ARK2C: variants seen among roughly 807,000 people sequenced by gnomAD.
ARK2C encodes the protein arkadia (RNF111) C-terminal like ring finger ubiquitin ligase 2C.
the ARK2C span, chr18:46,456,790 G>A: frequency 9.4e-6 from 6 of 640,214 alleles, no homozygotes; most frequent in East Asian, 5.5e-5. Context: ...TATCGGTGTC[G>A]AGGGAGAGGA....
At chr18:46,359,255 G>A in the ARK2C span, among the ~76,000 whole-genome samples, 3 of 152,190 alleles carry the variant, frequency 2.0e-5, no homozygotes, top group Non-Finnish European at 2.9e-5. Context: ...CTGCCTGTGG[G>A]GTTATGGTCT....
At chr18:46,334,350 T>C in the ARK2C span, 1 of 1,581,196 alleles carries the variant, frequency 6.3e-7, no homozygotes. This position sits in a 1 kb window ranked among gnomAD's most constrained non-coding sequence, Gnocchi z 4.4. Context: ...CGCTTTTTCC[T>C]TTCGGGGTCT....
chr18:46,454,288 A>G, the ARK2C span, among the ~76,000 whole-genome samples: 1 of 151,804 alleles, frequency 6.6e-6, no homozygotes, highest in South Asian at 2.1e-4. Context: ...CAAATTGGTG[A>G]CTCTTACCAA....
At chr18:46,360,324 C>A in the ARK2C span, among the ~76,000 whole-genome samples, 5 of 152,288 alleles carry the variant, frequency 3.3e-5, no homozygotes, top group East Asian at 9.7e-4. Context: ...CATGGAGGAA[C>A]ACAGAGGGTG....
At chr18:46,435,421 A>T in the ARK2C span, 1 of 1,495,514 alleles carries the variant, frequency 6.7e-7, no homozygotes, top group Non-Finnish European at 9.3e-7. Flanking sequence ...CCCCTGGGGG[A>T]GGAAGGGAGG....
the ARK2C span, among the ~76,000 whole-genome samples, chr18:46,428,907 C>A: frequency 2.0e-5 from 3 of 152,114 alleles, no homozygotes; most frequent in Non-Finnish European, 4.4e-5. Context: ...CTTGACAATA[C>A]CCGTTTTCAC....
chr18:46,383,617 C>T, the ARK2C span, among the ~76,000 whole-genome samples: 5 of 136,704 alleles, frequency 3.7e-5, no homozygotes, highest in East Asian at 4.2e-4. Flanking sequence ...TACAGTGGTG[C>T]GATCTCAGCT....
the ARK2C span, among the ~76,000 whole-genome samples, chr18:46,419,458 G>A: frequency 6.6e-6 from 1 of 152,190 alleles, no homozygotes; most frequent in African/African-American, 2.4e-5. Flanking sequence ...GAAAGCTGAA[G>A]TCCAGAGACA....
At chr18:46,457,036 C>T in the ARK2C span, 1 of 167,366 alleles carries the variant, frequency 6.0e-6, no homozygotes, top group Admixed American at 6.1e-5. Context: ...GGGTCTCTAG[C>T]TATTTCTGTG....
At chr18:46,430,593 T>G in the ARK2C span, among the ~76,000 whole-genome samples, 1 of 152,222 alleles carries the variant, frequency 6.6e-6, no homozygotes, top group Non-Finnish European at 1.5e-5. Context: ...CAGTGAAATG[T>G]GCAATTTCTG....
At chr18:46,433,582 CAGGACG>C in the ARK2C span, 1 of 1,298,428 alleles carries the variant, frequency 7.7e-7, no homozygotes, top group Non-Finnish European at 1.0e-6. Context: ...TGGGCAGGGC[CAGGACG>C]AGGGCGTGGC....
At chr18:46,400,750 G>T in the ARK2C span, among the ~76,000 whole-genome samples, 2 of 152,286 alleles carry the variant, frequency 1.3e-5, no homozygotes, top group Admixed American at 6.5e-5. Flanking sequence ...AGCCTAAATT[G>T]TGTCGGCTTT....
chr18:46,411,531 T>C, the ARK2C span, among the ~76,000 whole-genome samples: 44 of 152,320 alleles, frequency 2.9e-4, no homozygotes, highest in African/African-American at 9.9e-4. Context: ...TTTGGTAAGT[T>C]CCTACTATGT....
At chr18:46,460,162 A>G in the ARK2C span, 8 of 152,694 alleles carry the variant, frequency 5.2e-5, no homozygotes, top group Non-Finnish European at 7.3e-5. Flanking sequence ...TTTACGCCTA[A>G]TGAACAAGCA....
At chr18:46,384,026 C>G in the ARK2C span, among the ~76,000 whole-genome samples, 1 of 152,202 alleles carries the variant, frequency 6.6e-6, no homozygotes, top group Non-Finnish European at 1.5e-5. Flanking sequence ...TGTATTATTT[C>G]AAAGTTTTGG....
At chr18:46,338,185 G>C in the ARK2C span, among the ~76,000 whole-genome samples, 3 of 152,172 alleles carry the variant, frequency 2.0e-5, no homozygotes, top group Non-Finnish European at 4.4e-5. Flanking sequence ...AAATCATGCT[G>C]GGGGTGACAT....
chr18:46,361,926 C>T, the ARK2C span, among the ~76,000 whole-genome samples: 2 of 152,236 alleles, frequency 1.3e-5, no homozygotes, highest in South Asian at 4.1e-4. Flanking sequence ...TACTTCATGC[C>T]CCGTTTCCCC....
chr18:46,371,970 G>A, the ARK2C span, among the ~76,000 whole-genome samples: 1 of 152,174 alleles, frequency 6.6e-6, no homozygotes, highest in Non-Finnish European at 1.5e-5. Flanking sequence ...TAACGTACTA[G>A]ACTTGGTCCC....
chr18:46,456,094 A>G, the ARK2C span: 9 of 1,481,554 alleles, frequency 6.1e-6, no homozygotes, highest in Admixed American at 1.4e-4. Context: ...GGAGACCGCC[A>G]TTTTGATTCC....
Sources: allele counts gnomAD v4.1 joint callset (sites outside exome capture counted in the v4.1 genomes callset), GRCh38; gene constraint gnomAD v4.1.1; non-coding constraint Gnocchi (gnomAD v3.1); transcripts MANE v1.5; gene names NCBI Gene and HGNC (gene_info 2026-07-23, HGNC 2026-07-21).